Variants in MAGI2 observed in about 807,000 individuals in gnomAD.
MAGI2 encodes the protein membrane-associated guanylate kinase, WW and PDZ domain-containing protein 2.
Under a neutral mutation model 133.3 loss-of-function variants are expected in MAGI2, and 35 were observed. The ratio of observed to expected loss-of-function variants is 0.26; its 90% CI spans 0.20 to 0.35. The LOEUF (loss-of-function observed/expected upper bound fraction) is 0.35. Among genes scored for constraint, MAGI2 ranks in the 10% least tolerant of loss-of-function variants. The pLI is 1.00. For missense variants in MAGI2, 1,636 were observed against 1,863.4 expected (o/e 0.88, Z 2.25); for synonymous variants, 729 against 710.6 (o/e 1.03, Z -0.41).
At chr7:78,933,911 G>C (rs996308514) in intron 2 of MAGI2, among the ~76,000 whole-genome samples, 1 of 151,946 alleles carries the variant, frequency 6.6e-6, no homozygotes, top group Non-Finnish European at 1.5e-5. Flanking sequence ...CAAATCCCTG[G>C]TCCCTCAACT....
intron 4 of MAGI2, among the ~76,000 whole-genome samples, chr7:78,512,671 A>G (rs1361750635): frequency 1.3e-5 from 2 of 152,156 alleles, no homozygotes; most frequent in Non-Finnish European, 2.9e-5. Flanking sequence ...CTCAATATAT[A>G]TGTAACATTT....
chr7:79,354,927 G>A (rs1841924462), intron 1 of MAGI2, among the ~76,000 whole-genome samples: 1 of 152,134 alleles, frequency 6.6e-6, no homozygotes, highest in Non-Finnish European at 1.5e-5. Flanking sequence ...GGACCCAATA[G>A]GTGTAAGCCC....
At chr7:78,341,603 A>G (rs542094604) in intron 9 of MAGI2, among the ~76,000 whole-genome samples, 2 of 152,174 alleles carry the variant, frequency 1.3e-5, no homozygotes, top group South Asian at 4.2e-4. Context: ...ACTGGTACCA[A>G]AACAGATACA....
chr7:79,310,720 T>C (rs1838214679), intron 1 of MAGI2, among the ~76,000 whole-genome samples: 2 of 152,214 alleles, frequency 1.3e-5, no homozygotes, highest in African/African-American at 4.8e-5. Context: ...TATCTATTCA[T>C]TTGTACCTGT....
At chr7:78,553,029 G>A (rs548644215) in intron 3 of MAGI2, among the ~76,000 whole-genome samples, 14 of 150,164 alleles carry the variant, frequency 9.3e-5, no homozygotes, top group African/African-American at 2.2e-4. Flanking sequence ...AGATGAGATC[G>A]TCTTAAAAAC....
intron 1 of MAGI2, among the ~76,000 whole-genome samples, chr7:79,077,188 G>C (rs1815539771): frequency 1.3e-5 from 2 of 152,052 alleles, no homozygotes; most frequent in Admixed American, 1.3e-4. Flanking sequence ...TTGTACTGTG[G>C]TTCCTATTTC....
At chr7:78,614,180 C>A (rs565893898) in intron 3 of MAGI2, among the ~76,000 whole-genome samples, 1 of 150,634 alleles carries the variant, frequency 6.6e-6, no homozygotes, top group Non-Finnish European at 1.5e-5. Context: ...ACCAAGATAG[C>A]GATGTATTAT....
At chr7:78,027,484 C>G (rs570881283) in intron 21 of MAGI2, among the ~76,000 whole-genome samples, 2 of 151,810 alleles carry the variant, frequency 1.3e-5, no homozygotes, top group African/African-American at 4.8e-5. Flanking sequence ...AAAAATTAGC[C>G]GGGTGTGGTG....
chr7:78,790,325 TATTTTATTAGA>T (rs1276857826), intron 2 of MAGI2, among the ~76,000 whole-genome samples: 1 of 152,272 alleles, frequency 6.6e-6, no homozygotes, highest in Middle Eastern at 3.4e-3. Context: ...ATTATTTATT[TATTTTATTAGA>T]ATTTTATTAG....
chr7:79,151,403 A>G (rs1823226623), intron 1 of MAGI2, among the ~76,000 whole-genome samples: 1 of 152,170 alleles, frequency 6.6e-6, no homozygotes, highest in Non-Finnish European at 1.5e-5. Flanking sequence ...ACTAGAATGT[A>G]AATGATTTAT....
chr7:78,581,399 C>T (rs142932989), intron 3 of MAGI2, among the ~76,000 whole-genome samples: 225 of 152,256 alleles, frequency 1.5e-3, no homozygotes, highest in African/African-American at 5.2e-3. Flanking sequence ...ATTCAAGGTC[C>T]GTGCTTTCCA....
At chr7:79,010,013 C>G (rs897160439) in intron 1 of MAGI2, among the ~76,000 whole-genome samples, 2 of 151,954 alleles carry the variant, frequency 1.3e-5, no homozygotes, top group Non-Finnish European at 2.9e-5. Context: ...AGTTGAACAA[C>G]TGTACCTGAT....
chr7:79,451,076 A>C (rs779824988), intron 1 of MAGI2, among the ~76,000 whole-genome samples: 9 of 152,206 alleles, frequency 5.9e-5, no homozygotes, highest in Non-Finnish European at 1.0e-4. Context: ...CATCTATAAT[A>C]CACAATAATC....
chr7:79,336,960 G>T (rs1840480576), intron 1 of MAGI2, among the ~76,000 whole-genome samples: 2 of 151,146 alleles, frequency 1.3e-5, no homozygotes, highest in African/African-American at 4.9e-5. Context: ...TATTGTACCA[G>T]GGACTTCTGT....
In MAGI2 at chr7:78,132,843, C is replaced by A. The variant is rs777184614; in HGVS notation, c.3203+46G>T. 17 of 1,613,660 alleles carry A rather than the reference C, an allele frequency of 1.1e-5. No individual in the cohort carries two copies. In the Middle Eastern group the frequency reaches 4.9e-4, roughly 47 times the overall value. ...TGTCCCCAAATACTCCCTCCTTTCCCCACCCTATCACCTCTCAGAATCACA... is the reference window on the plus strand; with the variant it reads ...TGTCCCCAAATACTCCCTCCTTTCCACACCCTATCACCTCTCAGAATCACA... On this transcript the variant is annotated intron_variant, in intron 18 of 21. Coordinates refer to ENST00000354212, the MANE Select transcript of MAGI2 (RefSeq NM_012301.4).
chr7:79,153,758 G>A (rs1024567382), intron 1 of MAGI2, among the ~76,000 whole-genome samples: 1 of 152,124 alleles, frequency 6.6e-6, no homozygotes, highest in African/African-American at 2.4e-5. Flanking sequence ...TGGAGGACAG[G>A]CTGAAGAGCA....
At chr7:78,798,777 CAA>C (rs1787826660) in intron 2 of MAGI2, among the ~76,000 whole-genome samples, 1 of 152,154 alleles carries the variant, frequency 6.6e-6, no homozygotes, top group Non-Finnish European at 1.5e-5. Context: ...GAGAGCTCTG[CAA>C]ACTTCCATGC....
intron 19 of MAGI2, 93 bp downstream of exon 19, chr7:78,127,104 A>T (rs551372239): frequency 1.5e-5 from 15 of 1,001,930 alleles, no homozygotes; most frequent in Non-Finnish European, 1.9e-5. Context: ...TCCATCCCAG[A>T]CAGGTACTCT....
rs149117300 is a variant in MAGI2 at position 79,002,758 on chromosome 7, A to G, written c.418+4332T>C. Among the ~76,000 whole-genome samples the G allele has an allele frequency of 2.2e-3, 332 of 152,094 alleles. 1 individual carries two copies. Among genetic ancestry groups the G allele is most frequent in the African/African-American group, 7.5e-3 (313 of 41,510 alleles). On this transcript the variant is annotated intron_variant, in intron 2 of 21. Transcript: ENST00000354212. ...CTTAAGATGTAAGTTTTGTTACAGA[A>G]CTCAATATATAGTAGTTTCATTACA...
Sources: gnomAD v4.1 joint callset for allele counts (sites outside exome capture counted in the v4.1 genomes callset) on GRCh38, gnomAD v4.1.1 for gene constraint, MANE v1.5 for transcripts, NCBI Gene and HGNC (gene_info 2026-07-23, HGNC 2026-07-21) for gene names.